Variants in SHF observed in about 807,000 individuals in gnomAD.
SHF encodes the protein SH2 domain-containing adapter protein F.
Under a neutral mutation model 42.4 loss-of-function variants are expected in SHF, and 30 were observed. The ratio of observed to expected loss-of-function variants is 0.71; its 90% confidence interval spans 0.53 to 0.96. The LOEUF (loss-of-function observed/expected upper bound fraction) is 0.96. Ranked by LOEUF, SHF falls within the 40% of genes least tolerant of loss-of-function variation. SHF has a pLI of 0.00. For synonymous variants in SHF, 264 were observed against 269.9 expected (o/e 0.98, Z 0.21); for missense variants, 598 against 634.0 (o/e 0.94, Z 0.61).
At chr15:45,187,978 G>T (rs1898557828), upstream of SHF, 1 of 1,143,130 alleles carries the variant, frequency 8.7e-7, no homozygotes, top group Non-Finnish European at 1.1e-6. Context: ...AGCGAGGGGA[G>T]CGCAGCGGCG....
chr15:45,185,441 G>A (rs760733495), intron 1 of SHF, among the ~76,000 whole-genome samples: 5 of 152,278 alleles, frequency 3.3e-5, no homozygotes, highest in Admixed American at 6.5e-5. Context: ...GCTCCTAAAG[G>A]GGTGGGGAGC....
At chr15:45,198,072 C>A (rs571091655) in intron 2 of SHF, among the ~76,000 whole-genome samples, 2 of 151,952 alleles carry the variant, frequency 1.3e-5, no homozygotes, top group South Asian at 4.2e-4. Flanking sequence ...TGACCCAGAG[C>A]CTCCGTCTCA....
intron 1 of SHF, among the ~76,000 whole-genome samples, chr15:45,184,011 A>G (rs1898257972): frequency 6.6e-6 from 1 of 152,064 alleles, no homozygotes; most frequent in Non-Finnish European, 1.5e-5. Context: ...CTCTATCTCC[A>G]TCTGCAACAT....
At chr15:45,194,942 C>T (rs1338982772) in intron 2 of SHF, among the ~76,000 whole-genome samples, 1 of 152,152 alleles carries the variant, frequency 6.6e-6, no homozygotes, top group Non-Finnish European at 1.5e-5. Context: ...GATCCTCCCA[C>T]CTCAGCTGCT....
intron 3 of SHF, among the ~76,000 whole-genome samples, chr15:45,173,982 G>C (rs892833421): frequency 1.3e-5 from 2 of 152,156 alleles, no homozygotes; most frequent in African/African-American, 4.8e-5. Context: ...CTGTCAGCCC[G>C]TGGGTCCCCT....
At chr15:45,170,434 T>A (rs900591945) in intron 6 of SHF, 43 of 1,288,402 alleles carry the variant, frequency 3.3e-5, no homozygotes, top group Non-Finnish European at 3.8e-5. Context: ...AAAACTTTTC[T>A]GGGAAATGCT....
chr15:45,193,891 G>C (rs1194815950), intron 2 of SHF, among the ~76,000 whole-genome samples: 2 of 150,252 alleles, frequency 1.3e-5, no homozygotes, highest in Non-Finnish European at 3.0e-5. Context: ...TTGTGCTCAG[G>C]AATTAGAGAC....
intron 1 of SHF, among the ~76,000 whole-genome samples, chr15:45,186,863 A>G (rs987941655): frequency 2.0e-5 from 3 of 152,256 alleles, no homozygotes; most frequent in East Asian, 1.9e-4. Flanking sequence ...CCTGAGAACA[A>G]CAGCCTATAG....
chr15:45,175,074 C>A (rs1897726689), intron 3 of SHF, 145 bp downstream of exon 3: 1 of 863,902 alleles, frequency 1.2e-6, no homozygotes, highest in Non-Finnish European at 1.8e-6. Flanking sequence ...CAACCCCACC[C>A]CCTATGGTAC....
intron 2 of SHF, among the ~76,000 whole-genome samples, chr15:45,194,304 A>C (rs2141447455): frequency 6.6e-6 from 1 of 151,824 alleles, no homozygotes; most frequent in Middle Eastern, 3.4e-3. Flanking sequence ...AATTACCCAA[A>C]ATTTGACTAT....
In SHF at chr15:45,178,149, T is replaced by C. The variant is rs1417249896; in HGVS notation, c.640+16A>G. On this transcript the variant is annotated intron_variant, in intron 2 of 6. Transcript: ENST00000690270. Reference sequence around the variant, plus strand: ...CCCAGGCCTCAGGGAGCACCTCCCCTGCCCCTGTCACTCACCGGCCATCAT... The same window carrying C: ...CCCAGGCCTCAGGGAGCACCTCCCCCGCCCCTGTCACTCACCGGCCATCAT... 6.2e-7 allele frequency: 1 copy of C among 1,610,386 alleles called. No individual in the cohort carries two copies. The highest frequency in any genetic ancestry group is 1.1e-5 in the South Asian group (1 of 90,772).
intron 2 of SHF, among the ~76,000 whole-genome samples, chr15:45,197,472 G>C (rs1261562925): frequency 6.6e-6 from 1 of 152,188 alleles, no homozygotes; most frequent in African/African-American, 2.4e-5. Flanking sequence ...GGACACGGGA[G>C]TGGAGGGTCT....
intron 2 of SHF, among the ~76,000 whole-genome samples, chr15:45,196,432 C>A (rs1287247439): frequency 6.6e-6 from 1 of 152,134 alleles, no homozygotes; most frequent in East Asian, 1.9e-4. Flanking sequence ...GTGCATTAGG[C>A]TTATATTCCC....
chr15:45,197,226 G>A, intron 2 of SHF, among the ~76,000 whole-genome samples: 1 of 143,104 alleles, frequency 7.0e-6, no homozygotes, highest in East Asian at 2.1e-4. Flanking sequence ...ACCAGCCTGG[G>A]TGACAGAGCA....
At position 45,175,290 on chromosome 15, in the gene SHF, T is replaced by C; in HGVS notation, c.776A>G (p.Asp259Gly). The C allele has an allele frequency of 6.2e-7, 1 of 1,611,788 alleles. No homozygotes were observed. The highest frequency in any genetic ancestry group is 8.5e-7 in the Non-Finnish European group (1 of 1,179,088). ...GTCATACTCCTCAGGGGGCCTCTCA[T>C]CATCCTCTGGCAGGCGGGACTCCCG... is the stretch of plus-strand genomic sequence containing the variant. ...WPRESRLPEDDERPPEEYDQP... is the reference protein window; with the variant it reads ...WPRESRLPEDGERPPEEYDQP... Residue 259 changes from aspartate to glycine, a missense_variant, in exon 3 of 7, where the codon GAT (aspartate) becomes GGT (glycine). Physicochemically the swap from Asp to Gly is moderately conservative, Grantham distance 94 (BLOSUM62 -1). Coordinates refer to ENST00000690270, the MANE Select transcript of SHF (RefSeq NM_001394037.1).
At chr15:45,168,614 T>C (rs934122942) in intron 6 of SHF, among the ~76,000 whole-genome samples, 14 of 152,248 alleles carry the variant, frequency 9.2e-5, no homozygotes, top group African/African-American at 1.9e-4. Context: ...CTAGTCTTCA[T>C]TGGGGCTCTC....
At chr15:45,171,669 T>C (rs1334724774) in intron 6 of SHF, 1 of 602,822 alleles carries the variant, frequency 1.7e-6, no homozygotes, top group Non-Finnish European at 2.9e-6. Flanking sequence ...AACAGAACCC[T>C]TCTGAGCTGG....
chr15:45,171,788 TG>T, intron 6 of SHF, 94 bp downstream of exon 6: 1 of 1,360,294 alleles, frequency 7.4e-7, no homozygotes, highest in Non-Finnish European at 1.0e-6. Context: ...TCATGGGGGA[TG>T]GGGACCTCCC....
chr15:45,201,044 G>T (rs774138227), exon 1 of SHF: 5 of 351,978 alleles, frequency 1.4e-5, no homozygotes, highest in African/African-American at 1.1e-4. Context: ...ACGTGGGTGC[G>T]GGAGGAACCT....
Sources: gnomAD v4.1 joint callset for allele counts (sites outside exome capture counted in the v4.1 genomes callset) on GRCh38, gnomAD v4.1.1 for gene constraint, MANE v1.5 for transcripts, NCBI Gene and HGNC (gene_info 2026-07-23, HGNC 2026-07-21) for gene names.